Variants in CCDC73 observed in about 807,000 individuals in gnomAD.
CCDC73 encodes the protein coiled-coil domain-containing protein 73.
CCDC73 carries 95 observed loss-of-function variants against 116.5 expected under a neutral mutation model. The ratio of observed to expected loss-of-function variants is 0.82; its 90% CI spans 0.69 to 0.97. The LOEUF (loss-of-function observed/expected upper bound fraction) is 0.97, where lower values mean the gene tolerates loss of function less well. CCDC73 is among the 50% of genes least tolerant of loss of function. The pLI is 0.00. For missense variants in CCDC73, 1,066 were observed against 1,206.8 expected (o/e 0.88, Z 1.73); for synonymous variants, 398 against 401.3 (o/e 0.99, Z 0.10).
intron 12 of CCDC73, among the ~76,000 whole-genome samples, chr11:32,645,217 C>A (rs753839560): frequency 6.6e-6 from 1 of 152,122 alleles, no homozygotes; most frequent in African/African-American, 2.4e-5. Context: ...TCATAATACT[C>A]CCTTTTCTGG....
intron 2 of CCDC73, among the ~76,000 whole-genome samples, chr11:32,723,381 A>G (rs1178272036): frequency 4.6e-5 from 7 of 152,200 alleles, no homozygotes; most frequent in African/African-American, 7.2e-5. Flanking sequence ...TAGCCCATGA[A>G]TGTTAGAAAT....
chr11:32,761,822 G>A (rs555451983), intron 1 of CCDC73, among the ~76,000 whole-genome samples: 25 of 152,234 alleles, frequency 1.6e-4, no homozygotes, highest in African/African-American at 4.3e-4. Context: ...CAATTGTGGC[G>A]GCTGACAACT....
chr11:32,761,933 T>C (rs1236409121), intron 1 of CCDC73, among the ~76,000 whole-genome samples: 1 of 152,210 alleles, frequency 6.6e-6, no homozygotes, highest in Non-Finnish European at 1.5e-5. Context: ...CCCACTTCCT[T>C]GGACAACCCT....
At position 32,644,740 on chromosome 11, in the gene CCDC73, G is replaced by C. The variant is rs1382143846; in HGVS notation, c.940-2658C>G. 2.6e-5 allele frequency among the ~76,000 whole-genome samples: 4 copies of C among 152,060 alleles called. No homozygotes were observed. In the East Asian group the frequency reaches 7.7e-4, roughly 29 times the overall value. On this transcript the variant is annotated intron_variant, in intron 12 of 17. Transcript: ENST00000335185. Reference sequence around the variant, plus strand: ...TTTTATTACTTCCAAAAGTTCCCTTGGGCCACTTTGCAGCACCCCTATTCT... The same window carrying C: ...TTTTATTACTTCCAAAAGTTCCCTTCGGCCACTTTGCAGCACCCCTATTCT...
chr11:32,812,818 C>T, the CCDC73 span, among the ~76,000 whole-genome samples: 1 of 152,048 alleles, frequency 6.6e-6, no homozygotes, highest in South Asian at 2.1e-4. Flanking sequence ...GCCTGGGCAA[C>T]AGAGAGACAG....
intron 12 of CCDC73, among the ~76,000 whole-genome samples, chr11:32,652,014 T>TA (rs1295523964): frequency 6.6e-6 from 1 of 152,210 alleles, no homozygotes; most frequent in Non-Finnish European, 1.5e-5. Context: ...AAAGAACCAC[T>TA]AAGGTTTTTT....
intron 9 of CCDC73, among the ~76,000 whole-genome samples, chr11:32,672,097 T>C (rs1856044755): frequency 6.6e-6 from 1 of 152,176 alleles, no homozygotes. Context: ...AAACCTGTAA[T>C]CCCAGAACTT....
intron 1 of CCDC73, 95 bp from the exon 2 acceptor site, chr11:32,760,353 A>C (rs1850381861): frequency 1.4e-6 from 1 of 696,368 alleles, no homozygotes; most frequent in African/African-American, 1.8e-5. Context: ...TGTATCCCAT[A>C]ATCCTCCAAT....
intron 1 of CCDC73, among the ~76,000 whole-genome samples, chr11:32,793,576 T>C (rs916509739): frequency 1.3e-5 from 2 of 152,066 alleles, no homozygotes; most frequent in African/African-American, 4.8e-5. Context: ...CAAAGTGAAG[T>C]GGAAGATTGC....
intron 2 of CCDC73, among the ~76,000 whole-genome samples, chr11:32,725,091 A>G (rs1850019919): frequency 6.6e-6 from 1 of 152,076 alleles, no homozygotes; most frequent in Non-Finnish European, 1.5e-5. Flanking sequence ...TAAGTAGTGA[A>G]ATATAGTTTA....
intron 17 of CCDC73, among the ~76,000 whole-genome samples, chr11:32,610,010 C>G (rs181701319): frequency 2.0e-5 from 3 of 150,124 alleles, no homozygotes. Flanking sequence ...AGGATGGTCT[C>G]GATCTCCTGA....
At chr11:32,784,367 A>T (rs950277472) in intron 1 of CCDC73, among the ~76,000 whole-genome samples, 1 of 152,226 alleles carries the variant, frequency 6.6e-6, no homozygotes, top group Non-Finnish European at 1.5e-5. Context: ...AAATAAGACA[A>T]TCCAAGGTGG....
intron 12 of CCDC73, among the ~76,000 whole-genome samples, chr11:32,643,186 T>C (rs1298539504): frequency 1.3e-5 from 2 of 152,190 alleles, no homozygotes; most frequent in East Asian, 1.9e-4. Flanking sequence ...AGATAAATTA[T>C]GTAAAATTAT....
chr11:32,643,290 T>A (rs1212587605), intron 12 of CCDC73, among the ~76,000 whole-genome samples: 2 of 152,088 alleles, frequency 1.3e-5, no homozygotes, highest in African/African-American at 2.4e-5. Flanking sequence ...CCAGTGAATA[T>A]CTATTTTGAT....
chr11:32,802,292 A>T, the CCDC73 span, among the ~76,000 whole-genome samples: 1 of 152,216 alleles, frequency 6.6e-6, no homozygotes, highest in Non-Finnish European at 1.5e-5. Context: ...TACTAATATC[A>T]TGAAGGCATG....
At chr11:32,734,425 C>A (rs113352112) in intron 2 of CCDC73, among the ~76,000 whole-genome samples, 1 of 131,368 alleles carries the variant, frequency 7.6e-6, no homozygotes. Context: ...ATTTTTTTTT[C>A]TTTTTTTTTT....
intron 12 of CCDC73, among the ~76,000 whole-genome samples, chr11:32,649,596 A>G (rs1456620301): frequency 1.3e-5 from 2 of 152,208 alleles, no homozygotes; most frequent in African/African-American, 4.8e-5. Flanking sequence ...TATGCAACAT[A>G]ATCCTCAGCA....
At chr11:32,644,342 G>A (rs1271663728) in intron 12 of CCDC73, among the ~76,000 whole-genome samples, 1 of 152,090 alleles carries the variant, frequency 6.6e-6, no homozygotes, top group Non-Finnish European at 1.5e-5. Context: ...TGAGGGTGGA[G>A]GGAGATCAAA....
intron 6 of CCDC73, among the ~76,000 whole-genome samples, chr11:32,695,670 A>C (rs1158807158): frequency 1.3e-5 from 2 of 150,864 alleles, no homozygotes; most frequent in Admixed American, 1.3e-4. Flanking sequence ...CTCTTTGGCA[A>C]TGTCCCTTAC....
Sources: allele counts gnomAD v4.1 joint callset (sites outside exome capture counted in the v4.1 genomes callset), GRCh38; gene constraint gnomAD v4.1.1; transcripts MANE v1.5; gene names NCBI Gene and HGNC (gene_info 2026-07-23, HGNC 2026-07-21).